The following LRRC37A variants were observed in gnomAD, a reference collection of about 807,000 sequenced individuals.
LRRC37A encodes leucine-rich repeat-containing protein 37A.
A neutral mutation model predicts 35.4 loss-of-function variants in LRRC37A; 3 were observed. The ratio of observed to expected loss-of-function variants is 0.08; its 90% CI spans 0.04 to 0.22. The LOEUF is 0.22. Among genes scored for constraint, LRRC37A ranks in the 10% least tolerant of loss-of-function variants. The probability of loss-of-function intolerance (pLI) is 1.00; values close to 1 mark genes in which losing one functional copy is unlikely to be tolerated. For missense variants in LRRC37A, 67 were observed against 565.3 expected, an observed-to-expected ratio of 0.12 and a Z score of 8.94; for synonymous variants, 23 against 215.0, an observed-to-expected ratio of 0.11 and a Z score of 7.81.
At chr17:46,253,562 C>T in the LRRC37A span, among the ~76,000 whole-genome samples, 1 of 152,214 alleles carries the variant, frequency 6.6e-6, no homozygotes, top group African/African-American at 2.4e-5. Context: ...GCCCGGCCAA[C>T]GCAGCGAAAC....
chr17:46,275,273 G>A, the LRRC37A span: 134,494 of 536,210 alleles, frequency 0.25, 19,589 homozygotes, highest in Non-Finnish European at 0.33. Context: ...CAAAGTTTAG[G>A]TCAAGTCTTG....
chr17:46,282,649 T>C, the LRRC37A span, among the ~76,000 whole-genome samples: 10 of 151,694 alleles, frequency 6.6e-5, no homozygotes, highest in Non-Finnish European at 1.3e-4. Flanking sequence ...CTTGAACTCC[T>C]GGCTTCAAGC....
the LRRC37A span, among the ~76,000 whole-genome samples, chr17:46,265,011 C>G: frequency 6.6e-6 from 1 of 152,366 alleles, no homozygotes; most frequent in Admixed American, 6.5e-5. Flanking sequence ...AACAGGGCCC[C>G]GAGGGCATGA....
chr17:46,276,184 G>C, the LRRC37A span, among the ~76,000 whole-genome samples: 1 of 152,086 alleles, frequency 6.6e-6, no homozygotes, highest in African/African-American at 2.4e-5. Flanking sequence ...AGCCACCAAG[G>C]CTGGCCTCAC....
At chr17:46,288,921 C>T (rs1256259370), upstream of LRRC37A, among the ~76,000 whole-genome samples, 1 of 152,030 alleles carries the variant, frequency 6.6e-6, no homozygotes, top group Admixed American at 6.6e-5. Flanking sequence ...GCCAGGCTAG[C>T]CTTGAACTCC....
chr17:46,265,439 C>A, the LRRC37A span, among the ~76,000 whole-genome samples: 1 of 148,698 alleles, frequency 6.7e-6, no homozygotes, highest in African/African-American at 2.5e-5. Flanking sequence ...CTTCCTCTTC[C>A]TCTCCTCCTC....
chr17:46,333,232 G>A (rs185735972), intron 10 of LRRC37A, among the ~76,000 whole-genome samples: 2 of 64,646 alleles, frequency 3.1e-5, no homozygotes, highest in Admixed American at 2.8e-4. Flanking sequence ...CTGGTGAGGA[G>A]GAACGTCTCA....
chr17:46,269,754 A>G, the LRRC37A span, among the ~76,000 whole-genome samples: 1 of 152,200 alleles, frequency 6.6e-6, no homozygotes, highest in Non-Finnish European at 1.5e-5. Context: ...TCATTTTTCT[A>G]TTAAGACCAA....
intron 10 of LRRC37A, 34 bp from the exon 11 acceptor site, chr17:46,335,511 T>C (rs1274336029): frequency 5.6e-6 from 1 of 178,504 alleles, no homozygotes; most frequent in Admixed American, 3.5e-5. Context: ...GTTGTTGTCA[T>C]AGATAATCTT....
chr17:46,321,357 GAAAAAAAAAA>G (rs763727306), intron 5 of LRRC37A, among the ~76,000 whole-genome samples: 2 of 31,356 alleles, frequency 6.4e-5, no homozygotes, highest in Non-Finnish European at 8.7e-5. Flanking sequence ...CTCCGTCTCA[GAAAAAAAAAA>G]AAAAAAAAAA....
the LRRC37A span, among the ~76,000 whole-genome samples, chr17:46,264,834 A>G: frequency 6.6e-6 from 1 of 152,254 alleles, no homozygotes; most frequent in South Asian, 2.1e-4. Context: ...GGCATTCACA[A>G]CATTCCTGCA....
chr17:46,252,417 C>T, the LRRC37A span, among the ~76,000 whole-genome samples: 2 of 143,882 alleles, frequency 1.4e-5, no homozygotes, highest in African/African-American at 2.5e-5. Flanking sequence ...GGGTGTTTCT[C>T]GCAGAGGGGG....
chr17:46,291,833 C>T (rs576805408), upstream of LRRC37A, among the ~76,000 whole-genome samples: 62 of 152,062 alleles, frequency 4.1e-4, no homozygotes, highest in African/African-American at 1.4e-3. Flanking sequence ...GCATGGCACG[C>T]GCCTGTAGTC....
At chr17:46,250,894 TCTTCCTCTTCCTCTC>T in the LRRC37A span, among the ~76,000 whole-genome samples, 19,430 of 151,730 alleles carry the variant, frequency 0.13, 1 homozygote, top group Middle Eastern at 0.2. Flanking sequence ...CTTCTCTTCC[TCTTCCTCTTCCTCTC>T]CTTCCTCTTC....
the LRRC37A span, among the ~76,000 whole-genome samples, chr17:46,261,871 A>G: frequency 6.6e-6 from 1 of 152,232 alleles, no homozygotes; most frequent in Non-Finnish European, 1.5e-5. Context: ...GTTTAATAAT[A>G]AAAGTAAAAA....
At chr17:46,279,225 C>T in the LRRC37A span, among the ~76,000 whole-genome samples, 2 of 149,722 alleles carry the variant, frequency 1.3e-5, no homozygotes, top group African/African-American at 2.5e-5. Flanking sequence ...GCTCTGTCGC[C>T]TAGGCTGGAG....
At chr17:46,251,807 T>C in the LRRC37A span, among the ~76,000 whole-genome samples, 2 of 150,044 alleles carry the variant, frequency 1.3e-5, no homozygotes. Context: ...TGGTTCCAAA[T>C]AGACATCTGG....
At chr17:46,279,651 C>T in the LRRC37A span, among the ~76,000 whole-genome samples, 1 of 152,000 alleles carries the variant, frequency 6.6e-6, no homozygotes, top group African/African-American at 2.4e-5. Flanking sequence ...GTGCACATCA[C>T]CATGCCTGGC....
At chr17:46,332,266 C>T (rs1199852991) in intron 9 of LRRC37A, among the ~76,000 whole-genome samples, 8 of 53,446 alleles carry the variant, frequency 1.5e-4, no homozygotes, top group Admixed American at 3.9e-4. Flanking sequence ...CCAGCTTGGC[C>T]AACATAGTGA....
Sources: gnomAD v4.1 joint callset for allele counts (sites outside exome capture counted in the v4.1 genomes callset) on GRCh38, gnomAD v4.1.1 for gene constraint, MANE v1.5 for transcripts, NCBI Gene and HGNC (gene_info 2026-07-23, HGNC 2026-07-21) for gene names.